The following CAPN6 variants were observed in gnomAD, a reference collection of about 807,000 sequenced individuals.
CAPN6 encodes calpain 6, also known as calpain-6.
In CAPN6, 16 loss-of-function variants were observed where a neutral mutation model predicts 46.0. That is an observed-to-expected ratio of 0.35 (90% CI 0.24 to 0.53). The LOEUF (loss-of-function observed/expected upper bound fraction) is 0.53. Ranked by LOEUF, CAPN6 falls within the 20% of genes least tolerant of loss-of-function variation. The pLI, the probability that CAPN6 is intolerant of heterozygous loss-of-function variation, is 0.94. For missense variants in CAPN6, 461 were observed against 498.0 expected (o/e 0.93, Z 0.71); for synonymous variants, 206 against 172.8 (o/e 1.19, Z -1.51).
Position 111,245,220 on chromosome X carries a change from C to T in CAPN6, c.*1357G>A, listed in dbSNP as rs1305256214. ...AAAATGAGCGAGCTAAAAATGAATGCTTGCTGGTCTAGGTAGGCTAAGTAC... is the reference window on the plus strand; with the variant it reads ...AAAATGAGCGAGCTAAAAATGAATGTTTGCTGGTCTAGGTAGGCTAAGTAC... On this transcript the variant is annotated 3_prime_UTR_variant, in exon 13 of 13. Transcript: ENST00000324068. The T allele has an allele frequency of 8.9e-6, 1 of 112,158 alleles. No individual in the cohort carries two copies. The highest frequency in any genetic ancestry group is 3.3e-5 in the African/African-American group (1 of 30,706). 9.2% of individuals were successfully genotyped at this position (112,158 alleles called of 1,213,427 possible).
In CAPN6 at chrX:111,246,538, G is replaced by A. The variant is rs1392648913; in HGVS notation, c.*39C>T. 7 of 1,124,040 alleles carry A rather than the reference G, an allele frequency of 6.2e-6. 1 individual carries two copies. The highest frequency in any genetic ancestry group is 8.5e-6 in the Non-Finnish European group (7 of 822,730). 92.6% of individuals were successfully genotyped at this position (1,124,040 alleles called of 1,213,427 possible). A position where few individuals can be genotyped will look rare whatever the true frequency, so the allele number is the denominator to read the frequency against. ...ACCTGGCACCTGACGGAAAATAAAA[G>A]GGTGGCACGCTTTGTCAGGATTCTC... On this transcript the variant is annotated 3_prime_UTR_variant, in exon 13 of 13. Coordinates refer to ENST00000324068, the MANE Select transcript of CAPN6 (RefSeq NM_014289.4).
Position 111,254,420 on chromosome X carries a change from T to C in CAPN6, c.166-17A>G, listed in dbSNP as rs754591948. The C allele has an allele frequency of 4.3e-6, 5 of 1,166,633 alleles. No homozygotes were observed. Among genetic ancestry groups the C allele is most frequent in the Non-Finnish European group, 4.7e-6 (4 of 858,204 alleles). On this transcript the variant is annotated splice_polypyrimidine_tract_variant and intron_variant, in intron 2 of 12. Transcript: ENST00000324068. The stretch of plus-strand genomic sequence containing the variant: ...ACAGATGTCCTATGAATACAATAAT[T>C]GGTTATATGAGAGTCTGGGAAGAGT...
chrX:111,251,806 T>C (rs1279111227), intron 5 of CAPN6, 64 bp from the exon 6 acceptor site: 5 of 958,750 alleles, frequency 5.2e-6, no homozygotes, highest in Non-Finnish European at 7.3e-6. Context: ...ACTCCTCTTC[T>C]TCATTAATTG....
In CAPN6 at chrX:111,245,138, T is replaced by C. The variant is rs986423237; in HGVS notation, c.*1439A>G. The C allele has an allele frequency of 5.3e-5, 6 of 112,653 alleles. No homozygotes were observed. Among genetic ancestry groups the C allele is most frequent in the African/African-American group, 1.9e-4 (6 of 30,870 alleles). 9.3% of individuals were successfully genotyped at this position (112,653 alleles called of 1,213,427 possible). A position where few individuals can be genotyped will look rare whatever the true frequency, so the allele number is the denominator to read the frequency against. ...ATGAACTTTATTGTGATTTGGTTTATGTAAGGCAGTGTAGTGAAGGCACTG... is the reference window on the plus strand; with the variant it reads ...ATGAACTTTATTGTGATTTGGTTTACGTAAGGCAGTGTAGTGAAGGCACTG... On this transcript the variant is annotated 3_prime_UTR_variant, in exon 13 of 13. Transcript: ENST00000324068.
chrX:111,254,194 G>A, intron 3 of CAPN6, 78 bp downstream of exon 3: 4 of 1,087,447 alleles, frequency 3.7e-6, no homozygotes, highest in Non-Finnish European at 4.9e-6. Context: ...AGGAAGTTAT[G>A]CGCTGATTTT....
chrX:111,254,600 C>T (rs1216485922), intron 2 of CAPN6, among the ~76,000 whole-genome samples, 197 bp from the exon 3 acceptor site: 1 of 111,248 alleles, frequency 9.0e-6, no homozygotes, highest in African/African-American at 3.3e-5. Flanking sequence ...CATCTAGCCC[C>T]ATGTTTGGAA....
chrX:111,262,385 G>A (rs757208356), intron 2 of CAPN6, among the ~76,000 whole-genome samples: 1 of 112,239 alleles, frequency 8.9e-6, no homozygotes, highest in South Asian at 3.7e-4. Context: ...TGGTAGCAAC[G>A]TGCATAAACA....
rs1012559995 is a variant in CAPN6, at chrX:111,249,073, C to A, written c.1159-16G>T. 8.3e-7 allele frequency: 1 copy of A among 1,206,985 alleles called. No homozygotes were observed. The highest frequency in any genetic ancestry group is 1.8e-5 in the African/African-American group (1 of 57,073). ...TGAAGATGTACTAAGGGAAAGAGAC[C>A]ACCACAGAGGTGAGTTAGCATTCCC... On this transcript the variant is annotated splice_polypyrimidine_tract_variant and intron_variant, in intron 8 of 12. Coordinates refer to ENST00000324068, the MANE Select transcript of CAPN6 (RefSeq NM_014289.4).
chrX:111,263,744 A>T, intron 2 of CAPN6, 28 bp downstream of exon 2: 2 of 1,171,773 alleles, frequency 1.7e-6, no homozygotes, highest in South Asian at 1.9e-5. Context: ...GAGGTCAAGG[A>T]GACAGAATGT....
intron 2 of CAPN6, among the ~76,000 whole-genome samples, chrX:111,259,444 G>T (rs935510541): frequency 6.2e-5 from 7 of 112,261 alleles, no homozygotes; most frequent in Non-Finnish European, 1.3e-4. Flanking sequence ...AGCACAGAGA[G>T]AAAAGTGTTT....
intron 10 of CAPN6, among the ~76,000 whole-genome samples, chrX:111,248,221 G>C (rs781770593): frequency 9.0e-4 from 101 of 112,004 alleles, no homozygotes; most frequent in Non-Finnish European, 1.4e-3. Context: ...AGGTGGCTTT[G>C]GTGATCCAGC....
At chrX:111,260,497 T>A (rs1341864951) in intron 2 of CAPN6, among the ~76,000 whole-genome samples, 1 of 112,821 alleles carries the variant, frequency 8.9e-6, no homozygotes, top group East Asian at 2.8e-4. Context: ...AGGGACAAGA[T>A]GTCTGTAAGT....
At chrX:111,260,836 T>A (rs992364789) in intron 2 of CAPN6, among the ~76,000 whole-genome samples, 2 of 112,946 alleles carry the variant, frequency 1.8e-5, no homozygotes, top group Non-Finnish European at 3.7e-5. Flanking sequence ...TCCATATGAC[T>A]GAAAATAGCA....
intron 2 of CAPN6, among the ~76,000 whole-genome samples, chrX:111,261,651 G>A (rs1404680050): frequency 2.7e-5 from 3 of 112,306 alleles, no homozygotes; most frequent in South Asian, 3.7e-4. Context: ...TTTGGAGGAT[G>A]AAGGCAAAGG....
In CAPN6 at chrX:111,248,655, G is replaced by A. The variant is rs1471675017; in HGVS notation, c.1398C>T (p.Asn466=). 8.3e-7 allele frequency: 1 copy of A among 1,207,898 alleles called. No individual in the cohort carries two copies. Among genetic ancestry groups the A allele is most frequent in the African/African-American group, 1.8e-5 (1 of 57,125 alleles). The change falls in exon 10 of 13, where the codon AAC becomes AAT. Residue 466 remains asparagine, a synonymous_variant. Transcript: ENST00000324068. ...VFLSKYLKKG[N]YVLVPTMFQH... is the part of the protein sequence containing the mutation. ...GGAACATGGTTGGGACAAGCACATA[G>A]TTGCCCTTCTTCAGGTACTTGCTCA...
In CAPN6 at chrX:111,246,502, T is replaced by C. The variant is rs1440328679; in HGVS notation, c.*75A>G. 1.4e-5 allele frequency: 12 copies of C among 850,339 alleles called. 1 individual carries two copies. Among genetic ancestry groups the C allele is most frequent in the African/African-American group, 6.1e-5 (3 of 49,270 alleles). The allele number at this position is 850,339 out of a possible 1,213,427, so 70.1% of individuals were successfully genotyped here. Reference sequence around the variant, plus strand: ...TCTCATTCTTTCTAAAGATTGTGAATCTTAACTAAGACCTGGCACCTGACG... The same window carrying C: ...TCTCATTCTTTCTAAAGATTGTGAACCTTAACTAAGACCTGGCACCTGACG... On this transcript the variant is annotated 3_prime_UTR_variant, in exon 13 of 13. Transcript: ENST00000324068.
chrX:111,269,380 T>C (rs2094994344), intron 1 of CAPN6, among the ~76,000 whole-genome samples: 2 of 112,495 alleles, frequency 1.8e-5, no homozygotes, highest in African/African-American at 3.2e-5. Flanking sequence ...CTTCAGACTG[T>C]AAAGTGTTCT....
At chrX:111,265,904 C>T (rs999098501) in intron 1 of CAPN6, among the ~76,000 whole-genome samples, 2 of 111,505 alleles carry the variant, frequency 1.8e-5, no homozygotes, top group African/African-American at 3.3e-5. Flanking sequence ...GGCCTGTGTA[C>T]AGACAGAAGT....
chrX:111,247,804 G>A, intron 11 of CAPN6, 67 bp downstream of exon 11: 1 of 1,138,625 alleles, frequency 8.8e-7, no homozygotes, highest in East Asian at 3.0e-5. Flanking sequence ...TTGTGATCAT[G>A]TTTTCTAACT....
Sources: allele counts gnomAD v4.1 joint callset (sites outside exome capture counted in the v4.1 genomes callset), GRCh38; gene constraint gnomAD v4.1.1; transcripts MANE v1.5; gene names NCBI Gene and HGNC (gene_info 2026-07-23, HGNC 2026-07-21).